EML6: variants seen among roughly 807,000 people sequenced by gnomAD.
EML6 encodes EMAP like 6.
In EML6, 154 loss-of-function variants were observed where a neutral mutation model predicts 240.1. The ratio of observed to expected loss-of-function variants is 0.64; its 90% CI spans 0.56 to 0.73. EML6 has a LOEUF of 0.73. Among genes scored for constraint, EML6 ranks in the 30% least tolerant of loss-of-function variants. The pLI, the probability that EML6 is intolerant of heterozygous loss-of-function variation, is 0.00. For missense variants in EML6, 2,964 were observed against 2,474.6 expected, an observed-to-expected ratio of 1.20 and a Z score of -4.20; for synonymous variants, 1,148 against 899.0, an observed-to-expected ratio of 1.28 and a Z score of -4.95.
At chr2:54,732,105 C>T (rs1427182690) in intron 2 of EML6, among the ~76,000 whole-genome samples, 1 of 152,124 alleles carries the variant, frequency 6.6e-6, no homozygotes, top group Non-Finnish European at 1.5e-5. Context: ...TGTATATCTT[C>T]TTTGGATAAA....
chr2:54,927,888 C>T (rs115177211), intron 26 of EML6, among the ~76,000 whole-genome samples: 1,528 of 152,322 alleles, frequency 0.01, 12 homozygotes, highest in Middle Eastern at 0.044. Context: ...TGCTCTTCTG[C>T]CACTGCCTGG....
chr2:54,860,367 G>A (rs1464169684), intron 12 of EML6, among the ~76,000 whole-genome samples: 3 of 152,156 alleles, frequency 2.0e-5, no homozygotes, highest in Non-Finnish European at 2.9e-5. Context: ...TCATCCCCTG[G>A]AGCAGTTCTG....
chr2:54,830,547 C>G (rs1668817384), intron 7 of EML6, among the ~76,000 whole-genome samples: 2 of 152,176 alleles, frequency 1.3e-5, no homozygotes, highest in African/African-American at 2.4e-5. Flanking sequence ...CATGAAGCCC[C>G]CGCTGTGTGA....
At chr2:54,919,992 A>G (rs1674135399) in intron 26 of EML6, among the ~76,000 whole-genome samples, 1 of 152,250 alleles carries the variant, frequency 6.6e-6, no homozygotes, top group Non-Finnish European at 1.5e-5. Flanking sequence ...CATACACATA[A>G]GACGAGAGAA....
chr2:54,966,871 C>A (rs1435767942), intron 38 of EML6, 129 bp from the exon 39 acceptor site: 2 of 588,428 alleles, frequency 3.4e-6, no homozygotes, highest in Non-Finnish European at 6.2e-6. Context: ...CAGCCTGGAG[C>A]TGAGCTTGGG....
At chr2:54,846,965 G>A (rs1396986097) in intron 8 of EML6, among the ~76,000 whole-genome samples, 1 of 141,220 alleles carries the variant, frequency 7.1e-6, no homozygotes, top group Non-Finnish European at 1.5e-5. Context: ...TGACACCCAG[G>A]CTGGAGTGCG....
intron 2 of EML6, among the ~76,000 whole-genome samples, chr2:54,754,557 A>G (rs1420441092): frequency 1.3e-5 from 2 of 152,220 alleles, no homozygotes; most frequent in East Asian, 1.9e-4. Flanking sequence ...ATTGATATAT[A>G]TGAGTTATTT....
In EML6 at chr2:54,958,153, C is replaced by A. The variant is rs191402819; in HGVS notation, c.4695+155C>A. 1.0e-3 allele frequency among the ~76,000 whole-genome samples: 159 copies of A among 152,234 alleles called. 2 individuals are homozygous for A. Among genetic ancestry groups the A allele is most frequent in the Non-Finnish European group, 1.8e-3 (124 of 68,018 alleles). On this transcript the variant is annotated intron_variant, in intron 33 of 41. Coordinates refer to ENST00000356458, the MANE Select transcript of EML6 (RefSeq NM_001039753.4). ...TACTGGCTTATCTGCAACCACTGTT[C>A]CTTTTCTGTAGCACATATGGGTGGG...
At chr2:54,925,011 G>T (rs1350022836) in intron 26 of EML6, among the ~76,000 whole-genome samples, 1 of 152,158 alleles carries the variant, frequency 6.6e-6, no homozygotes, top group African/African-American at 2.4e-5. Context: ...TTATGAACTT[G>T]AATGGTTGTG....
intron 24 of EML6, among the ~76,000 whole-genome samples, chr2:54,904,266 T>A (rs1341536048): frequency 6.6e-6 from 1 of 152,114 alleles, no homozygotes; most frequent in Non-Finnish European, 1.5e-5. Flanking sequence ...ACGGCAGCAT[T>A]CAGTACCCAG....
At position 54,929,634 on chromosome 2, in the gene EML6, A is replaced by G. The variant is rs111465063; in HGVS notation, c.4004+883A>G. Reference sequence around the variant, plus strand: ...TAGTATGGCTTTCTGCCTAACAACAATAAGTCTGACCTATCACTTCTTACT... The same window carrying G: ...TAGTATGGCTTTCTGCCTAACAACAGTAAGTCTGACCTATCACTTCTTACT... On this transcript the variant is annotated intron_variant, in intron 28 of 41. Transcript: ENST00000356458. 2.3e-3 allele frequency among the ~76,000 whole-genome samples: 344 copies of G among 152,160 alleles called. 1 individual carries two copies. Among genetic ancestry groups the G allele is most frequent in the African/African-American group, 7.5e-3 (310 of 41,422 alleles).
At chr2:54,917,554 G>C (rs560117701) in intron 26 of EML6, among the ~76,000 whole-genome samples, 31 of 151,790 alleles carry the variant, frequency 2.0e-4, no homozygotes, top group Admixed American at 6.6e-4. Context: ...GTAGAGAGAG[G>C]GTTTCACCAT....
intron 11 of EML6, among the ~76,000 whole-genome samples, chr2:54,858,152 C>A (rs1157064526): frequency 1.3e-5 from 2 of 152,178 alleles, no homozygotes; most frequent in Non-Finnish European, 2.9e-5. Context: ...CAAGATGGCT[C>A]ACTCATGTGG....
Position 54,886,180 on chromosome 2 carries a change from T to C in EML6, c.2439-4874T>C, listed in dbSNP as rs1458674298. Among the ~76,000 whole-genome samples the C allele has an allele frequency of 4.8e-5, 6 of 125,344 alleles. No individual in the cohort carries two copies. The South Asian group carries it at 1.3e-3, about 27-fold the overall frequency. The allele number at this position is 125,344 out of a possible 152,430, so 82.2% of individuals were successfully genotyped here. On this transcript the variant is annotated intron_variant, in intron 17 of 41. Transcript: ENST00000356458. ...ACCTTCTTTTTTTTTTTTTTTTTTT[T>C]CTTGAGATGGTGTCTTGCTGTGTCA...
intron 30 of EML6, among the ~76,000 whole-genome samples, chr2:54,951,714 AAC>A (rs1258420292): frequency 1.3e-5 from 2 of 150,832 alleles, no homozygotes; most frequent in African/African-American, 2.4e-5. Context: ...AAAAAAAAAA[AAC>A]ACCTTTCATT....
chr2:54,934,022 A>G (rs928632437), intron 28 of EML6, among the ~76,000 whole-genome samples: 5 of 152,142 alleles, frequency 3.3e-5, no homozygotes, highest in African/African-American at 1.2e-4. Context: ...ATGAGACAAC[A>G]CGCAGTGATC....
At chr2:54,923,904 G>T (rs1674401260) in intron 26 of EML6, among the ~76,000 whole-genome samples, 2 of 152,014 alleles carry the variant, frequency 1.3e-5, no homozygotes, top group Non-Finnish European at 2.9e-5. Flanking sequence ...TTTTTATCCA[G>T]CTTCTTTCAC....
At chr2:54,832,171 C>T (rs1396093647) in intron 7 of EML6, among the ~76,000 whole-genome samples, 1 of 152,174 alleles carries the variant, frequency 6.6e-6, no homozygotes, top group African/African-American at 2.4e-5. Context: ...AGAAGAAAGG[C>T]TCCTGGTTTG....
At chr2:54,865,218 G>A (rs1275118019) in intron 13 of EML6, among the ~76,000 whole-genome samples, 1 of 152,082 alleles carries the variant, frequency 6.6e-6, no homozygotes, top group East Asian at 1.9e-4. Flanking sequence ...ACCAGGCACA[G>A]TGGCTCATTC....
Sources: gnomAD v4.1 joint callset for allele counts (sites outside exome capture counted in the v4.1 genomes callset) on GRCh38, gnomAD v4.1.1 for gene constraint, MANE v1.5 for transcripts, NCBI Gene and HGNC (gene_info 2026-07-23, HGNC 2026-07-21) for gene names.